Variants in GOLM1 observed in about 807,000 individuals in gnomAD.
GOLM1 encodes golgi membrane protein 1.
A neutral mutation model predicts 50.5 loss-of-function variants in GOLM1; 31 were observed. That is an observed-to-expected ratio of 0.61 (90% CI 0.46 to 0.83). The LOEUF (loss-of-function observed/expected upper bound fraction) is 0.83. Ranked by LOEUF, GOLM1 falls within the 40% of genes least tolerant of loss-of-function variation. The pLI is 0.00. For synonymous variants in GOLM1, 178 were observed against 192.8 expected (o/e 0.92, Z 0.64); for missense variants, 491 against 501.3 (o/e 0.98, Z 0.20).
intron 4 of GOLM1, among the ~76,000 whole-genome samples, chr9:86,049,294 T>A (rs1482192696): frequency 1.3e-5 from 2 of 152,196 alleles, no homozygotes; most frequent in Non-Finnish European, 2.9e-5. Flanking sequence ...CAGTTTGAGG[T>A]CACGTAGCGT....
intron 4 of GOLM1, among the ~76,000 whole-genome samples, chr9:86,047,655 G>A (rs1028160458): frequency 7.9e-5 from 12 of 152,002 alleles, no homozygotes; most frequent in African/African-American, 2.4e-4. Flanking sequence ...ACCCACGAGG[G>A]GTAAATGTTC....
chr9:86,053,010 ACAC>A lies in GOLM1; in HGVS notation c.310-422_310-420del, dbSNP rs367811675. Among the ~76,000 whole-genome samples the A allele has an allele frequency of 2.9e-4, 41 of 140,374 alleles. No homozygotes were observed. In the East Asian group the frequency reaches 6.4e-3, roughly 22 times the overall value. 92.1% of individuals were successfully genotyped at this position (140,374 alleles called of 152,430 possible). ...CACGACACACCAAACCACACCACAC[ACAC>A]CACTCCACACAACACCACGCCATAT... On this transcript the variant is annotated intron_variant, in intron 3 of 9. Transcript: ENST00000388712.
At chr9:86,032,751 AG>A (rs1833022172) in intron 9 of GOLM1, among the ~76,000 whole-genome samples, 1 of 152,202 alleles carries the variant, frequency 6.6e-6, no homozygotes, top group South Asian at 2.1e-4. Context: ...AATCACCTGT[AG>A]GACCACCTGC....
chr9:86,073,222 G>C (rs1373780443), intron 3 of GOLM1, among the ~76,000 whole-genome samples: 1 of 140,174 alleles, frequency 7.1e-6, no homozygotes, highest in Non-Finnish European at 1.6e-5. Context: ...TGGAAGTTTA[G>C]AAAAAAAAAA....
chr9:86,054,626 G>C (rs1019000136), intron 3 of GOLM1, among the ~76,000 whole-genome samples: 2 of 152,236 alleles, frequency 1.3e-5, no homozygotes, highest in Admixed American at 1.3e-4. Flanking sequence ...ATGGTCACCC[G>C]CCTACTAAGA....
intron 7 of GOLM1, 32 bp from the exon 8 acceptor site, chr9:86,035,657 G>T: frequency 1.6e-6 from 2 of 1,254,608 alleles, no homozygotes; most frequent in Non-Finnish European, 2.2e-6. Flanking sequence ...CTGTGACCTT[G>T]CCAGCATTTG....
chr9:86,035,760 A>G, intron 7 of GOLM1, 135 bp from the exon 8 acceptor site: 1 of 748,440 alleles, frequency 1.3e-6, no homozygotes, highest in Non-Finnish European at 2.2e-6. Flanking sequence ...GGCTGCACAC[A>G]GGAGAACAAC....
At chr9:86,028,853 T>C (rs1381522873) in intron 9 of GOLM1, among the ~76,000 whole-genome samples, 1 of 147,556 alleles carries the variant, frequency 6.8e-6, no homozygotes, top group East Asian at 2.0e-4. Flanking sequence ...TTTTTTTTTT[T>C]TTTTTTTTTT....
chr9:86,051,847 T>C (rs945577447), intron 4 of GOLM1, among the ~76,000 whole-genome samples: 1 of 152,256 alleles, frequency 6.6e-6, no homozygotes, highest in Admixed American at 6.5e-5. Context: ...CTTTTTAATA[T>C]TCTTAGAACC....
chr9:86,075,501 T>TCTC (rs1834583882), intron 3 of GOLM1, among the ~76,000 whole-genome samples: 1 of 152,178 alleles, frequency 6.6e-6, no homozygotes, highest in Non-Finnish European at 1.5e-5. Flanking sequence ...GAGATTCCTT[T>TCTC]CTCATTTCCA....
At chr9:86,090,373 C>T (rs1235968239) in intron 1 of GOLM1, among the ~76,000 whole-genome samples, 1 of 152,178 alleles carries the variant, frequency 6.6e-6, no homozygotes. Context: ...GGTGCTCTGT[C>T]CCAGGGAGCT....
At chr9:86,032,437 G>T (rs954012067) in intron 9 of GOLM1, among the ~76,000 whole-genome samples, 3 of 152,032 alleles carry the variant, frequency 2.0e-5, no homozygotes, top group Non-Finnish European at 4.4e-5. Flanking sequence ...AAAGCGCTGG[G>T]ATTACAGGTG....
intron 6 of GOLM1, 32 bp from the exon 7 acceptor site, chr9:86,036,539 G>A (rs756747520): frequency 1.2e-6 from 2 of 1,609,824 alleles, no homozygotes; most frequent in Non-Finnish European, 1.7e-6. Flanking sequence ...GCCAGCCAGG[G>A]CAGGGCTCTG....
chr9:86,056,027 A>G (rs181284053), intron 3 of GOLM1, among the ~76,000 whole-genome samples: 6 of 152,306 alleles, frequency 3.9e-5, no homozygotes, highest in Admixed American at 3.9e-4. Context: ...GTTTACCCCC[A>G]GAGTTGATCT....
intron 3 of GOLM1, among the ~76,000 whole-genome samples, chr9:86,067,911 CAGGAGAA>C (rs1834349989): frequency 4.6e-5 from 7 of 152,114 alleles, no homozygotes; most frequent in African/African-American, 1.7e-4. Flanking sequence ...GAGGCTGAGG[CAGGAGAA>C]TGACTTGAAC....
At chr9:86,099,217 G>A (rs976317714) in intron 1 of GOLM1, among the ~76,000 whole-genome samples, 194 bp downstream of exon 1, 1 of 152,108 alleles carries the variant, frequency 6.6e-6, no homozygotes, top group Non-Finnish European at 1.5e-5. Flanking sequence ...GGCAGCCGCG[G>A]GCTACTCGGT....
intron 6 of GOLM1, among the ~76,000 whole-genome samples, chr9:86,038,211 CCATACT>C (rs1193023086): frequency 6.6e-6 from 1 of 151,808 alleles, no homozygotes; most frequent in Non-Finnish European, 1.5e-5. Context: ...TAAGGGACTC[CCATACT>C]TATGAGTTTT....
chr9:86,053,107 A>AC (rs1564346935), intron 3 of GOLM1, among the ~76,000 whole-genome samples: 1 of 39,454 alleles, frequency 2.5e-5, no homozygotes, highest in Non-Finnish European at 4.9e-5. Context: ...ACAACTCCAC[A>AC]CCACACACAC....
At position 86,065,007 on chromosome 9, in the gene GOLM1, C is replaced by G. The variant is rs576322036; in HGVS notation, c.309+12405G>C. On this transcript the variant is annotated intron_variant, in intron 3 of 9. Transcript: ENST00000388712. Reference sequence around the variant, plus strand: ...GAGTGAGGGTGTGGGAGGTGCAGAACAGAGAAAGTGGGGTGCCCCTGACTC... The same window carrying G: ...GAGTGAGGGTGTGGGAGGTGCAGAAGAGAGAAAGTGGGGTGCCCCTGACTC... 1.2e-4 allele frequency among the ~76,000 whole-genome samples: 19 copies of G among 152,278 alleles called. 1 individual carries two copies. The East Asian group carries it at 3.7e-3, about 29-fold the overall frequency.
Sources: allele counts gnomAD v4.1 joint callset (sites outside exome capture counted in the v4.1 genomes callset), GRCh38; gene constraint gnomAD v4.1.1; transcripts MANE v1.5; gene names NCBI Gene and HGNC (gene_info 2026-07-23, HGNC 2026-07-21).